ANK1: variants seen among roughly 807,000 people sequenced by gnomAD.
The protein encoded by ANK1 is ankyrin 1.
A neutral mutation model predicts 210.4 loss-of-function variants in ANK1; 51 were observed. The ratio of observed to expected loss-of-function variants is 0.24; its 90% CI spans 0.19 to 0.31. The LOEUF (loss-of-function observed/expected upper bound fraction) is 0.31, where lower values mean the gene tolerates loss of function less well. Ranked by LOEUF, ANK1 falls within the 10% of genes least tolerant of loss-of-function variation. The probability of loss-of-function intolerance (pLI) is 1.00; values close to 1 mark genes in which losing one functional copy is unlikely to be tolerated. For missense variants in ANK1, 2,051 were observed against 2,504.4 expected (o/e 0.82, Z 3.86); for synonymous variants, 967 against 1,025.9 (o/e 0.94, Z 1.10).
Position 41,704,253 on chromosome 8 carries a change from C to T in ANK1, c.2197-114G>A. 7.4e-7 allele frequency: 1 copy of T among 1,360,522 alleles called. No individual in the cohort carries two copies. Among genetic ancestry groups the T allele is most frequent in the Non-Finnish European group, 1.0e-6 (1 of 953,044 alleles). 84.3% of individuals were successfully genotyped at this position (1,360,522 alleles called of 1,614,324 possible). Reference sequence around the variant, plus strand: ...TGGGACATTAATGAAATGCATTTTCCCCCTTTCTTCCTTCAGGGTCCATGG... The same window carrying T: ...TGGGACATTAATGAAATGCATTTTCTCCCTTTCTTCCTTCAGGGTCCATGG... On this transcript the variant is annotated intron_variant, in intron 19 of 42. Coordinates refer to ENST00000289734, the MANE Select transcript of ANK1 (RefSeq NM_000037.4). The surrounding 1 kb of genome is among the most constrained non-coding windows in gnomAD (Gnocchi z 4.1).
At position 41,672,485 on chromosome 8, in the gene ANK1, C is replaced by T. The variant is rs1349069360; in HGVS notation, c.4965G>A (p.Arg1655=). The change falls in exon 38 of 43, where the codon AGG becomes AGA. Residue 1655 remains arginine, a synonymous_variant. Transcript: ENST00000289734. ...GCCCTGCACCTGTCGCGTCATCCTG[C>T]CTCTTAGAACCTGGCAGCTTCTCTT... The part of the protein sequence containing the change: ...RSEEKLPGSK[R]QDDATGAGQD... 1 of 1,614,246 alleles carries T rather than the reference C, an allele frequency of 6.2e-7. No individual in the cohort carries two copies. The highest frequency in any genetic ancestry group is 1.7e-5 in the Admixed American group (1 of 60,028).
chr8:41,714,381 CT>C, intron 15 of ANK1, 127 bp from the exon 16 acceptor site: 1 of 719,964 alleles, frequency 1.4e-6, no homozygotes, highest in Non-Finnish European at 2.1e-6. Context: ...CCAGGCCAGT[CT>C]TAACTTGGAG....
intron 1 of ANK1, among the ~76,000 whole-genome samples, chr8:41,778,581 C>G (rs963080869): frequency 2.0e-5 from 3 of 152,106 alleles, no homozygotes; most frequent in Non-Finnish European, 4.4e-5. Flanking sequence ...ACGTGTGGAT[C>G]CAGAACCAAA....
chr8:41,746,785 G>C (rs974965636), intron 2 of ANK1, among the ~76,000 whole-genome samples: 1 of 151,812 alleles, frequency 6.6e-6, no homozygotes, highest in Admixed American at 6.6e-5. Flanking sequence ...ATGAGAGAAT[G>C]GGACTCTGAA....
chr8:41,765,694 C>T (rs930343291), intron 1 of ANK1, among the ~76,000 whole-genome samples: 1 of 152,184 alleles, frequency 6.6e-6, no homozygotes. Context: ...GAATTAAGTT[C>T]TCATCAGGAC....
chr8:41,783,399 C>T (rs1017317688), intron 1 of ANK1, among the ~76,000 whole-genome samples: 3 of 152,174 alleles, frequency 2.0e-5, no homozygotes, highest in African/African-American at 7.2e-5. Context: ...GGGTCCTTCC[C>T]TGGAGCACCA....
In ANK1 at chr8:41,741,637, C is replaced by T. The variant is rs146342163; in HGVS notation, c.130-7568G>A. On this transcript the variant is annotated intron_variant, in intron 2 of 42. Coordinates refer to ENST00000289734, the MANE Select transcript of ANK1 (RefSeq NM_000037.4). ...GAACACCTCTCTTTCCTGACCTCTG[C>T]CAAAGCTGAAGCGATTTACGTGGCC... Among the ~76,000 whole-genome samples the T allele has an allele frequency of 3.7e-3, 561 of 152,134 alleles. 2 individuals are homozygous for T. Among genetic ancestry groups the T allele is most frequent in the African/African-American group, 0.012 (513 of 41,506 alleles).
chr8:41,683,393 G>A (rs1454506514), intron 37 of ANK1, among the ~76,000 whole-genome samples: 2 of 152,220 alleles, frequency 1.3e-5, no homozygotes, highest in Non-Finnish European at 2.9e-5. Flanking sequence ...GCAGGGGACA[G>A]GGAGGGCTCA....
chr8:41,719,898 T>G, intron 9 of ANK1, 40 bp from the exon 10 acceptor site: 1 of 1,606,680 alleles, frequency 6.2e-7, no homozygotes, highest in Non-Finnish European at 8.5e-7. Context: ...CAAAGTCTTC[T>G]GGGGACCGAG....
Position 41,696,410 on chromosome 8 carries a change from C to G in ANK1, c.2913G>C (p.Leu971=), listed in dbSNP as rs504574. 0.46 allele frequency: 747,048 copies of G among 1,613,058 alleles called. 178,758 individuals are homozygous for G. The highest frequency in any genetic ancestry group is 0.57 in the Admixed American group (34,120 of 60,006). The change falls in exon 26 of 43, where the codon CTG becomes CTC. Residue 971 remains leucine (L), a synonymous_variant. Transcript: ENST00000289734. Reference sequence around the variant, plus strand: ...GCCCCAGTGCTATGATCCTGCTGGCCAGGCCCTCCTCCTCGGCCAGTGGGG... The same window carrying G: ...GCCCCAGTGCTATGATCCTGCTGGCGAGGCCCTCCTCCTCGGCCAGTGGGG... ...TPPPLAEEEG[L]ASRIIALGPT...
In ANK1 at chr8:41,728,885, C is replaced by A. The variant is rs989725446; in HGVS notation, c.229-879G>T. ...ACTGGAAGGCTTGTCAGCGAGCTGG[C>A]CTTCCGCGGACCTGCAGCTCCGCTC... is the stretch of plus-strand genomic sequence containing the variant. On this transcript the variant is annotated intron_variant, in intron 3 of 42. Transcript: ENST00000289734. Among the ~76,000 whole-genome samples the A allele has an allele frequency of 2.0e-5, 3 of 152,356 alleles. No individual in the cohort carries two copies. In the East Asian group the frequency reaches 5.8e-4, roughly 29 times the overall value.
upstream of ANK1, among the ~76,000 whole-genome samples, chr8:41,797,824 C>CG (rs1348323237): frequency 6.6e-6 from 1 of 151,968 alleles, no homozygotes; most frequent in African/African-American, 2.4e-5. This position sits in a 1 kb window ranked among gnomAD's most constrained non-coding sequence, Gnocchi z 4.0. Context: ...CTGGTTGCCC[C>CG]GGGGTCGAGA....
At chr8:41,707,301 C>G (rs1485170860) in intron 17 of ANK1, among the ~76,000 whole-genome samples, 4 of 152,226 alleles carry the variant, frequency 2.6e-5, no homozygotes, top group Non-Finnish European at 4.4e-5. Context: ...AAAGTCTTCT[C>G]TCCCCTGGAC....
intron 1 of ANK1, among the ~76,000 whole-genome samples, chr8:41,842,263 T>C (rs1233551135): frequency 6.6e-6 from 1 of 152,054 alleles, no homozygotes; most frequent in East Asian, 1.9e-4. Flanking sequence ...GAGGCCAAGG[T>C]GGGCACATCA....
At chr8:41,798,051 T>A (rs984446090), upstream of ANK1, among the ~76,000 whole-genome samples, 2 of 151,946 alleles carry the variant, frequency 1.3e-5, no homozygotes, top group African/African-American at 4.8e-5. Context: ...TTTTGTTTTG[T>A]TTTGTTTCCT....
At chr8:41,871,271 T>C (rs1815432185) in intron 1 of ANK1, among the ~76,000 whole-genome samples, 1 of 152,112 alleles carries the variant, frequency 6.6e-6, no homozygotes, top group South Asian at 2.1e-4. Context: ...CCTCCTAACC[T>C]CCGCAGAATC....
intron 16 of ANK1, among the ~76,000 whole-genome samples, chr8:41,711,217 T>C (rs1826027445): frequency 1.3e-5 from 2 of 152,140 alleles, no homozygotes; most frequent in Admixed American, 1.3e-4. Context: ...TCCCCACGAT[T>C]AGACACGGAG....
At chr8:41,689,114 TTCTC>T (rs1001287071) in intron 33 of ANK1, among the ~76,000 whole-genome samples, 2 of 152,088 alleles carry the variant, frequency 1.3e-5, no homozygotes, top group African/African-American at 2.4e-5. Context: ...CAGAAAAATA[TTCTC>T]TCTCTCTTTT....
chr8:41,794,948 C>T (rs143307847), intron 1 of ANK1, among the ~76,000 whole-genome samples: 3,683 of 152,224 alleles, frequency 0.024, 165 homozygotes, highest in African/African-American at 0.085. Flanking sequence ...TCATGATCCA[C>T]CTGCCTTGGC....
Sources: gnomAD v4.1 joint callset for allele counts (sites outside exome capture counted in the v4.1 genomes callset) on GRCh38, gnomAD v4.1.1 for gene constraint, Gnocchi (gnomAD v3.1) non-coding constraint, MANE v1.5 for transcripts, NCBI Gene and HGNC (gene_info 2026-07-23, HGNC 2026-07-21) for gene names.